Variants in ANKRD26 observed in about 807,000 individuals in gnomAD.
ANKRD26 encodes ankyrin repeat domain-containing protein 26.
In ANKRD26, 141 loss-of-function variants were observed where a neutral mutation model predicts 208.7. That is an observed-to-expected ratio of 0.68 (90% CI 0.59 to 0.78). The LOEUF (loss-of-function observed/expected upper bound fraction) is 0.78. Ranked by LOEUF, ANKRD26 falls within the 30% of genes least tolerant of loss-of-function variation. ANKRD26 has a pLI of 0.00. For missense variants in ANKRD26, 1,889 were observed against 1,938.7 expected (o/e 0.97, Z 0.48); for synonymous variants, 636 against 660.4 (o/e 0.96, Z 0.57).
At chr10:27,089,964 A>C (rs1431165627) in intron 4 of ANKRD26, among the ~76,000 whole-genome samples, 1 of 152,246 alleles carries the variant, frequency 6.6e-6, no homozygotes, top group Non-Finnish European at 1.5e-5. Context: ...TAATTATTTT[A>C]AACCTCTATT....
At chr10:27,007,170 TAAA>T (rs1185283404) in intron 32 of ANKRD26, among the ~76,000 whole-genome samples, 1 of 152,186 alleles carries the variant, frequency 6.6e-6, no homozygotes, top group Non-Finnish European at 1.5e-5. Context: ...TTTAATCTGA[TAAA>T]AAGTACAATT....
At chr10:27,078,589 G>C (rs2055783819) in intron 7 of ANKRD26, among the ~76,000 whole-genome samples, 1 of 152,082 alleles carries the variant, frequency 6.6e-6, no homozygotes, top group African/African-American at 2.4e-5. Flanking sequence ...ATACTGATTA[G>C]TATTTACAAC....
At chr10:27,085,389 G>A (rs1049905921) in intron 5 of ANKRD26, among the ~76,000 whole-genome samples, 1 of 152,208 alleles carries the variant, frequency 6.6e-6, no homozygotes, top group Middle Eastern at 3.4e-3. Flanking sequence ...GTGAGCCACC[G>A]CACCTGGCCA....
chr10:27,009,764 G>T (rs1054678700), intron 32 of ANKRD26, among the ~76,000 whole-genome samples: 3 of 152,106 alleles, frequency 2.0e-5, no homozygotes, highest in African/African-American at 7.2e-5. Context: ...TTATAAAAAT[G>T]CTCCTCCTTT....
chr10:26,996,677 T>C (rs1043581977), intron 4 of ANKRD26, among the ~76,000 whole-genome samples: 1 of 152,182 alleles, frequency 6.6e-6, no homozygotes, highest in East Asian at 1.9e-4. Context: ...ATTCCATCTA[T>C]GTCTTACTGT....
At chr10:27,068,044 G>A (rs981684515) in intron 9 of ANKRD26, among the ~76,000 whole-genome samples, 3 of 152,138 alleles carry the variant, frequency 2.0e-5, no homozygotes, top group Admixed American at 1.3e-4. Context: ...GTTCCACCTG[G>A]GAAGCTCAGG....
chr10:26,961,647 C>G, the ANKRD26 span, among the ~76,000 whole-genome samples: 1 of 152,104 alleles, frequency 6.6e-6, no homozygotes, highest in Non-Finnish European at 1.5e-5. Context: ...AGTTCAAGAA[C>G]AGCCTGGGCA....
rs59987738 is a variant in ANKRD26, at chr10:27,023,979, T to TACACACACACACACACACACACACAC, written c.4085+442_4085+467dup. Among the ~76,000 whole-genome samples, 96 of 142,248 alleles carry TACACACACACACACACACACACACAC rather than the reference T, an allele frequency of 6.7e-4. 1 individual carries two copies. Among genetic ancestry groups the TACACACACACACACACACACACACAC allele is most frequent in the South Asian group, 2.1e-3 (9 of 4,264 alleles). The allele number at this position is 142,248 out of a possible 152,430, so 93.3% of individuals were successfully genotyped here. The stretch of plus-strand genomic sequence containing the variant: ...AAATTTTCATGATATATTTTATTAC[T>TACACACACACACACACACACACACAC]ACACACACACACACACACACACACA... On this transcript the variant is annotated intron_variant, in intron 28 of 33. Transcript: ENST00000376087.
intron 4 of ANKRD26, among the ~76,000 whole-genome samples, chr10:26,996,660 A>C (rs1488837395): frequency 6.6e-6 from 1 of 152,212 alleles, no homozygotes; most frequent in Non-Finnish European, 1.5e-5. Flanking sequence ...CTTGTATGAT[A>C]GGGACAATTC....
chr10:27,010,964 T>C (rs2053081623), intron 32 of ANKRD26, among the ~76,000 whole-genome samples: 1 of 152,212 alleles, frequency 6.6e-6, no homozygotes, highest in South Asian at 2.1e-4. Flanking sequence ...TCTTATAATT[T>C]ATGTATTAAA....
chr10:27,029,174 CCTTGA>C (rs2053779360), intron 26 of ANKRD26, 107 bp downstream of exon 26: 3 of 1,325,924 alleles, frequency 2.3e-6, no homozygotes. Context: ...TGAAATTTTT[CCTTGA>C]CTTCACACAG....
At position 27,058,180 on chromosome 10, in the gene ANKRD26, TTCA is replaced by T. The variant is rs1479637527; in HGVS notation, c.1564+2162_1564+2164del. On this transcript the variant is annotated intron_variant, in intron 15 of 33. Transcript: ENST00000376087. ...ATAGAAGTGAAACTTTAAAGGCCAT[TTCA>T]TCATCAAGGGACCATTTATTATTTG... is the stretch of plus-strand genomic sequence containing the variant. 9.2e-5 allele frequency among the ~76,000 whole-genome samples: 14 copies of T among 152,126 alleles called. No individual in the cohort carries two copies. The East Asian group carries it at 2.7e-3, about 29-fold the overall frequency.
intron 1 of ANKRD26, among the ~76,000 whole-genome samples, chr10:27,096,314 G>A (rs1048915091): frequency 3.9e-5 from 6 of 152,042 alleles, no homozygotes; most frequent in African/African-American, 1.4e-4. Flanking sequence ...CAATGCTAAT[G>A]CAAGACTGAA....
At chr10:27,077,207 T>A in intron 9 of ANKRD26, 131 bp downstream of exon 9, 1 of 794,486 alleles carries the variant, frequency 1.3e-6, no homozygotes, top group Admixed American at 2.2e-5. Context: ...TATGCAAGTC[T>A]TAAATGTGAT....
At chr10:27,059,907 A>G (rs1447556611) in intron 15 of ANKRD26, among the ~76,000 whole-genome samples, 1 of 150,726 alleles carries the variant, frequency 6.6e-6, no homozygotes, top group Non-Finnish European at 1.5e-5. Flanking sequence ...AACAAAAAAC[A>G]AAAAACAAAA....
intron 15 of ANKRD26, among the ~76,000 whole-genome samples, chr10:27,059,124 C>T (rs113672932): frequency 0.011 from 1,707 of 152,094 alleles, 34 homozygotes; most frequent in African/African-American, 0.039. Context: ...CCGTGTTAGC[C>T]GGGATGGTCT....
chr10:27,057,058 C>A (rs1228654858), intron 15 of ANKRD26, among the ~76,000 whole-genome samples: 1 of 152,144 alleles, frequency 6.6e-6, no homozygotes, highest in Non-Finnish European at 1.5e-5. Flanking sequence ...TTCAAAGTCC[C>A]AGGTCTTTGG....
chr10:27,088,576 G>A (rs1241736727), intron 4 of ANKRD26: 1 of 152,184 alleles, frequency 6.6e-6, no homozygotes, highest in African/African-American at 2.4e-5. Flanking sequence ...ACTTAAGGTA[G>A]AGATGCAAGC....
At position 27,050,348 on chromosome 10, in the gene ANKRD26, T is replaced by A. The variant is rs559319241; in HGVS notation, c.1636-1369A>T. On this transcript the variant is annotated intron_variant, in intron 16 of 33. Coordinates refer to ENST00000376087, the MANE Select transcript of ANKRD26 (RefSeq NM_014915.3). ...TCTACTTTGGAGTTAAATACTAAAT[T>A]TCTGGCTGAGGATTTATGCTACTGA... Among the ~76,000 whole-genome samples the A allele has an allele frequency of 2.0e-3, 297 of 152,164 alleles. 2 individuals are homozygous for A. The highest frequency in any genetic ancestry group is 6.8e-3 in the African/African-American group (283 of 41,514).
Sources: allele counts gnomAD v4.1 joint callset (sites outside exome capture counted in the v4.1 genomes callset), GRCh38; gene constraint gnomAD v4.1.1; transcripts MANE v1.5; gene names NCBI Gene and HGNC (gene_info 2026-07-23, HGNC 2026-07-21).